The following AKAP9 variants were observed in gnomAD, a reference collection of about 807,000 sequenced individuals.
AKAP9 encodes A-kinase anchoring protein 9.
AKAP9 carries 311 observed loss-of-function variants against 488.5 expected under a neutral mutation model. That is an observed-to-expected ratio of 0.64 (90% CI 0.58 to 0.70). The LOEUF (loss-of-function observed/expected upper bound fraction) is 0.70. Ranked by LOEUF, AKAP9 falls within the 30% of genes least tolerant of loss-of-function variation. AKAP9 has a pLI of 0.00. For synonymous variants in AKAP9, 1,462 were observed against 1,483.5 expected (o/e 0.99, Z 0.33); for missense variants, 4,215 against 4,374.5 (o/e 0.96, Z 1.03).
At chr7:92,019,761 A>G (rs1584153325) in intron 12 of AKAP9, among the ~76,000 whole-genome samples, 1 of 152,132 alleles carries the variant, frequency 6.6e-6, no homozygotes, top group South Asian at 2.1e-4. Flanking sequence ...CAATCCCAGC[A>G]CTTTAGTTGG....
At chr7:91,963,747 T>A (rs982074645) in intron 1 of AKAP9, among the ~76,000 whole-genome samples, 1 of 152,160 alleles carries the variant, frequency 6.6e-6, no homozygotes, top group African/African-American at 2.4e-5. Context: ...CTTGAACTCC[T>A]GACCTTGTGA....
In AKAP9 at chr7:92,009,192, G is replaced by A. The variant is rs368504458; in HGVS notation, c.3319-3237G>A. 1.9e-4 allele frequency among the ~76,000 whole-genome samples: 29 copies of A among 152,118 alleles called. No homozygotes were observed. The East Asian group carries it at 4.5e-3, about 23-fold the overall frequency. ...AAAATCAGCCAGATGTCTGCAGTGAGCTATGATTGCACCATTGTACTTCAG... is the reference window on the plus strand; with the variant it reads ...AAAATCAGCCAGATGTCTGCAGTGAACTATGATTGCACCATTGTACTTCAG... On this transcript the variant is annotated intron_variant, in intron 8 of 49. Coordinates refer to ENST00000356239, the MANE Select transcript of AKAP9 (RefSeq NM_005751.5).
At position 92,016,277 on chromosome 7, in the gene AKAP9, G is replaced by T; in HGVS notation, c.3751+10G>T. The T allele has an allele frequency of 6.7e-7, 1 of 1,498,042 alleles. No individual in the cohort carries two copies. Among genetic ancestry groups the T allele is most frequent in the Non-Finnish European group, 9.2e-7 (1 of 1,081,796 alleles). The allele number at this position is 1,498,042 out of a possible 1,614,324, so 92.8% of individuals were successfully genotyped here. A position where few individuals can be genotyped will look rare whatever the true frequency, so the allele number is the denominator to read the frequency against. On this transcript the variant is annotated intron_variant, in intron 11 of 49. Transcript: ENST00000356239. ...AGATATGAAGTTCAAGGTAATAAAA[G>T]CTTACCATACTATTAAACAGTATTT...
Position 92,061,287 on chromosome 7 carries a change from G to A in AKAP9, c.5629G>A (p.Glu1877Lys). Residue 1877 changes from glutamate to lysine, a missense_variant, in exon 23 of 50, where the codon GAG becomes AAG. Physicochemically the swap from Glu to Lys is moderately conservative, Grantham distance 56 (BLOSUM62 1). Transcript: ENST00000356239. The stretch of plus-strand genomic sequence containing the variant: ...TGAACATGCGAAAGTGACACAGACA[G>A]AGTTGATGCGTGAGTCATTTAGACA... ...QLEHAKVTQT[E>K]LMRESFRQKQ... 6.2e-7 allele frequency: 1 copy of A among 1,612,704 alleles called. No individual in the cohort carries two copies. The highest frequency in any genetic ancestry group is 8.5e-7 in the Non-Finnish European group (1 of 1,179,136).
chr7:92,080,672 C>G (rs932479637), intron 31 of AKAP9, among the ~76,000 whole-genome samples: 1 of 151,968 alleles, frequency 6.6e-6, no homozygotes, highest in Non-Finnish European at 1.5e-5. Flanking sequence ...AAAGGATTCA[C>G]GTATTGGGTA....
intron 21 of AKAP9, among the ~76,000 whole-genome samples, chr7:92,045,618 G>A (rs1806840818): frequency 6.6e-6 from 1 of 152,148 alleles, no homozygotes; most frequent in South Asian, 2.1e-4. Context: ...TCATGTACCT[G>A]TTGAAATGGT....
chr7:92,043,519 AT>A (rs928502190), intron 20 of AKAP9: 98 of 167,800 alleles, frequency 5.8e-4, no homozygotes, highest in Non-Finnish European at 9.2e-4. Context: ...TAAAATGAGT[AT>A]TTTTTTTTAA....
At chr7:92,077,180 C>T (rs1034651234) in intron 29 of AKAP9, among the ~76,000 whole-genome samples, 173 bp downstream of exon 29, 3 of 145,332 alleles carry the variant, frequency 2.1e-5, no homozygotes, top group African/African-American at 5.2e-5. Flanking sequence ...ATTGCAAGCT[C>T]CGCCTCCCTG....
chr7:91,976,595 C>A (rs1453515311), intron 2 of AKAP9, among the ~76,000 whole-genome samples: 1 of 152,160 alleles, frequency 6.6e-6, no homozygotes, highest in Non-Finnish European at 1.5e-5. Flanking sequence ...AAAACCATCA[C>A]TAGGGACAAA....
intron 22 of AKAP9, among the ~76,000 whole-genome samples, chr7:92,054,485 A>T (rs944774122): frequency 4.9e-4 from 74 of 152,078 alleles, no homozygotes; most frequent in African/African-American, 1.8e-3. Flanking sequence ...GAAGAGAGCA[A>T]CATCTGACAT....
chr7:92,040,394 T>C (rs1805869356), intron 17 of AKAP9, among the ~76,000 whole-genome samples: 1 of 152,130 alleles, frequency 6.6e-6, no homozygotes, highest in Non-Finnish European at 1.5e-5. Context: ...GTATCTTAGT[T>C]CTTTTTTTTC....
intron 20 of AKAP9, among the ~76,000 whole-genome samples, chr7:92,044,309 C>T (rs6979085): frequency 0.42 from 63,446 of 151,702 alleles, 13,774 homozygotes; most frequent in African/African-American, 0.52. Flanking sequence ...TTTCTTCTGC[C>T]GACTTAAATG....
rs763125092 is a variant in AKAP9 at position 92,002,691 on chromosome 7, C to G, written c.2774C>G (p.Ala925Gly). The G allele has an allele frequency of 1.9e-6, 3 of 1,613,362 alleles. No individual in the cohort carries two copies. The highest frequency in any genetic ancestry group is 3.3e-5 in the Admixed American group (2 of 59,952). The change falls in exon 8 of 50, where the codon GCA becomes GGA. Residue 925 changes from alanine (A) to glycine (G), a missense_variant. Physicochemically the swap from Ala to Gly is moderately conservative, Grantham distance 60. Around this residue, in one of 5 missense-constraint regions of AKAP9, gnomAD observed 2,361 missense variants for 2,430.0 expected, o/e 0.97. Coordinates refer to ENST00000356239, the MANE Select transcript of AKAP9 (RefSeq NM_005751.5). Reference protein sequence around the residue: ...SVFDEDKTFVAETLEMGEVVE... With the variant: ...SVFDEDKTFVGETLEMGEVVE... ...TTTGATGAAGACAAAACTTTTGTAG[C>G]AGAAACATTGGAAATGGGTGAGGTT...
intron 1 of AKAP9, among the ~76,000 whole-genome samples, chr7:91,969,841 TCTTA>T (rs2130546936): frequency 6.6e-6 from 1 of 152,272 alleles, no homozygotes; most frequent in South Asian, 2.1e-4. Context: ...TATGGTTGGG[TCTTA>T]CTTCTGTATT....
chr7:91,994,911 T>A, intron 6 of AKAP9, 135 bp downstream of exon 6: 1 of 727,012 alleles, frequency 1.4e-6, no homozygotes, highest in Non-Finnish European at 2.3e-6. Flanking sequence ...AGTGAATATG[T>A]GTTGCTATAT....
At chr7:92,006,067 A>AT (rs1799807495) in intron 8 of AKAP9, among the ~76,000 whole-genome samples, 2 of 152,144 alleles carry the variant, frequency 1.3e-5, no homozygotes, top group African/African-American at 4.8e-5. Context: ...ATCTTTTAAA[A>AT]TTTTTTAGGA....
intron 49 of AKAP9, chr7:92,109,055 A>AG (rs1818968084): frequency 3.6e-6 from 1 of 276,740 alleles, no homozygotes. Flanking sequence ...CAAAGAAAAA[A>AG]AAAAAAAAAA....
intron 28 of AKAP9, among the ~76,000 whole-genome samples, chr7:92,075,000 G>T (rs889989578): frequency 6.6e-6 from 1 of 151,856 alleles, no homozygotes; most frequent in African/African-American, 2.4e-5. Context: ...TCCCAGAAAA[G>T]TATAATTTTT....
chr7:91,946,534 G>A (rs572049835), intron 1 of AKAP9, among the ~76,000 whole-genome samples: 1 of 152,022 alleles, frequency 6.6e-6, no homozygotes, highest in Non-Finnish European at 1.5e-5. Flanking sequence ...ACCACACCTG[G>A]CTAATTGTTA....
Sources: gnomAD v4.1 joint callset for allele counts (sites outside exome capture counted in the v4.1 genomes callset) on GRCh38, gnomAD v4.1.1 for gene constraint, gnomAD v4.1.1 regional missense constraint, MANE v1.5 for transcripts, NCBI Gene and HGNC (gene_info 2026-07-23, HGNC 2026-07-21) for gene names.